Variants in RUNX2 observed in about 807,000 individuals in gnomAD.
RUNX2 encodes runt-related transcription factor 2.
Under a neutral mutation model 51.7 loss-of-function variants are expected in RUNX2, and 10 were observed. That is an observed-to-expected ratio of 0.19 (90% CI 0.12 to 0.33). RUNX2 has a LOEUF of 0.33. Ranked by LOEUF, RUNX2 falls within the 10% of genes least tolerant of loss-of-function variation. The pLI is 1.00. For synonymous variants in RUNX2, 276 were observed against 273.6 expected (o/e 1.01, Z -0.09); for missense variants, 562 against 691.3 (o/e 0.81, Z 2.10).
At chr6:45,488,659 T>A (rs1055870293) in intron 5 of RUNX2, among the ~76,000 whole-genome samples, 3 of 152,102 alleles carry the variant, frequency 2.0e-5, no homozygotes, top group Non-Finnish European at 4.4e-5. Flanking sequence ...TGGACATCCA[T>A]GTTTCAAAGC....
intron 5 of RUNX2, among the ~76,000 whole-genome samples, chr6:45,478,360 C>G (rs1247690868): frequency 6.6e-6 from 1 of 152,178 alleles, no homozygotes; most frequent in East Asian, 1.9e-4. Flanking sequence ...ATTTTCACCT[C>G]TTATTACATT....
chr6:45,329,680 C>A (rs776249778), intron 2 of RUNX2, among the ~76,000 whole-genome samples: 6 of 151,804 alleles, frequency 4.0e-5, no homozygotes, highest in Non-Finnish European at 7.4e-5. Context: ...TTTTTAAAAG[C>A]CACAACTATT....
intron 2 of RUNX2, among the ~76,000 whole-genome samples, chr6:45,357,706 T>C (rs1325925383): frequency 6.6e-6 from 1 of 152,126 alleles, no homozygotes; most frequent in East Asian, 1.9e-4. Context: ...ATAAAAATAA[T>C]GAATTGACAG....
chr6:45,462,750 G>T (rs968144091), intron 5 of RUNX2, among the ~76,000 whole-genome samples: 2 of 152,196 alleles, frequency 1.3e-5, no homozygotes, highest in Non-Finnish European at 2.9e-5. Flanking sequence ...ATCAAAGTGT[G>T]TACAAAAGTA....
intron 2 of RUNX2, among the ~76,000 whole-genome samples, chr6:45,336,659 T>C (rs1788620010): frequency 6.6e-6 from 1 of 151,440 alleles, no homozygotes; most frequent in Non-Finnish European, 1.5e-5. Flanking sequence ...TTTTCTTGAC[T>C]ATAAAATTAA....
chr6:45,425,249 G>A (rs1000261197), intron 3 of RUNX2, among the ~76,000 whole-genome samples: 1 of 152,134 alleles, frequency 6.6e-6, no homozygotes, highest in Non-Finnish European at 1.5e-5. Context: ...GCATTTATGC[G>A]GCTGAATTGA....
intron 5 of RUNX2, among the ~76,000 whole-genome samples, chr6:45,466,331 TA>T (rs1465992145): frequency 1.9e-4 from 29 of 151,596 alleles, no homozygotes; most frequent in Non-Finnish European, 2.9e-4. Flanking sequence ...AAAAGAAAAC[TA>T]AAAATAATAA....
At chr6:45,331,540 C>A (rs1466506282) in intron 2 of RUNX2, among the ~76,000 whole-genome samples, 2 of 151,944 alleles carry the variant, frequency 1.3e-5, no homozygotes, top group Non-Finnish European at 2.9e-5. Context: ...CAGAAAATCA[C>A]TCTAACACAT....
intron 5 of RUNX2, among the ~76,000 whole-genome samples, chr6:45,478,271 A>G (rs2150398049): frequency 6.6e-6 from 1 of 152,340 alleles, no homozygotes; most frequent in East Asian, 1.9e-4. Context: ...AGCATAGTTC[A>G]TGAAACATAA....
At chr6:45,365,356 C>CAAA in intron 2 of RUNX2, 2 of 955,082 alleles carry the variant, frequency 2.1e-6, no homozygotes, top group Middle Eastern at 2.4e-4. Flanking sequence ...TAAGTAAATG[C>CAAA]AAAAAAAAAA....
chr6:45,337,732 T>C (rs1788875576), intron 2 of RUNX2, among the ~76,000 whole-genome samples: 1 of 151,904 alleles, frequency 6.6e-6, no homozygotes, highest in South Asian at 2.1e-4. Context: ...AAAAGAAAGC[T>C]AAAAACAAAT....
chr6:45,490,676 C>T (rs1360303590), intron 5 of RUNX2, among the ~76,000 whole-genome samples: 1 of 152,058 alleles, frequency 6.6e-6, no homozygotes, highest in African/African-American at 2.4e-5. Flanking sequence ...TGAAAAACTC[C>T]CAGGCTTGAA....
chr6:45,523,486 G>A (rs1295834794), intron 7 of RUNX2, among the ~76,000 whole-genome samples: 1 of 151,762 alleles, frequency 6.6e-6, no homozygotes, highest in Non-Finnish European at 1.5e-5. Context: ...GGCCAGGCTG[G>A]TCTCAAACTC....
intron 2 of RUNX2, among the ~76,000 whole-genome samples, chr6:45,357,107 C>T (rs9472466): frequency 0.18 from 27,317 of 151,810 alleles, 3,808 homozygotes; most frequent in African/African-American, 0.39. Context: ...CCTGGGTTCA[C>T]GCCATTCTCC....
chr6:45,446,536 T>C (rs1358757693), intron 5 of RUNX2, among the ~76,000 whole-genome samples: 1 of 151,716 alleles, frequency 6.6e-6, no homozygotes, highest in African/African-American at 2.4e-5. Context: ...GACCTTTCGT[T>C]CTCAAGAAAG....
At chr6:45,530,437 G>A (rs1226123193) in intron 7 of RUNX2, among the ~76,000 whole-genome samples, 2 of 152,202 alleles carry the variant, frequency 1.3e-5, no homozygotes, top group African/African-American at 4.8e-5. Flanking sequence ...TGAGGGAAAC[G>A]GGAAGAACAA....
intron 2 of RUNX2, among the ~76,000 whole-genome samples, chr6:45,342,661 CTTTT>C (rs892540367): frequency 7.5e-4 from 113 of 151,002 alleles, no homozygotes; most frequent in African/African-American, 2.5e-3. Context: ...TTTTGGAAGC[CTTTT>C]TTTTTATTTG....
intron 2 of RUNX2, among the ~76,000 whole-genome samples, chr6:45,413,381 A>G (rs545371818): frequency 6.7e-6 from 1 of 149,520 alleles, no homozygotes; most frequent in South Asian, 2.1e-4. Context: ...ATTCTGTTAT[A>G]TCTGCTATCA....
At chr6:45,489,627 G>T (rs1316964118) in intron 5 of RUNX2, among the ~76,000 whole-genome samples, 2 of 152,158 alleles carry the variant, frequency 1.3e-5, no homozygotes, top group Non-Finnish European at 2.9e-5. Context: ...ATAACTTCCA[G>T]GGACAATTCC....
Sources: allele counts gnomAD v4.1 joint callset (sites outside exome capture counted in the v4.1 genomes callset), GRCh38; gene constraint gnomAD v4.1.1; transcripts MANE v1.5; gene names NCBI Gene and HGNC (gene_info 2026-07-23, HGNC 2026-07-21).